The following MEGF10 variants were observed in gnomAD, a reference collection of about 807,000 sequenced individuals.
The protein encoded by MEGF10 is multiple epidermal growth factor-like domains protein 10.
MEGF10 carries 86 observed loss-of-function variants against 147.5 expected under a neutral mutation model. The ratio of observed to expected loss-of-function variants is 0.58; its 90% CI spans 0.49 to 0.70. The LOEUF (loss-of-function observed/expected upper bound fraction) is 0.70, where lower values mean the gene tolerates loss of function less well. MEGF10 is among the 30% of genes least tolerant of loss of function. The pLI, the probability that MEGF10 is intolerant of heterozygous loss-of-function variation, is 0.00. For synonymous variants in MEGF10, 478 were observed against 525.5 expected (o/e 0.91, Z 1.24); for missense variants, 1,329 against 1,487.3 (o/e 0.89, Z 1.75).
At chr5:127,340,778 G>A (rs1761650400) in intron 4 of MEGF10, 148 bp downstream of exon 4, 2 of 619,006 alleles carry the variant, frequency 3.2e-6, no homozygotes, top group East Asian at 5.5e-5. Context: ...CTTGGCTTGT[G>A]TAATGAAGGA....
At chr5:127,345,113 C>T (rs72786489) in intron 4 of MEGF10, among the ~76,000 whole-genome samples, 74 of 152,326 alleles carry the variant, frequency 4.9e-4, no homozygotes, top group Non-Finnish European at 8.7e-4. Context: ...ACGAGGCTCT[C>T]ATTTCATGTT....
At chr5:127,410,245 T>C (rs890604681) in intron 8 of MEGF10, 144 bp from the exon 9 acceptor site, 1 of 711,316 alleles carries the variant, frequency 1.4e-6, no homozygotes, top group Non-Finnish European at 2.4e-6. Context: ...ACGCTTTTCA[T>C]CCGTGTAATG....
the MEGF10 span, among the ~76,000 whole-genome samples, chr5:127,237,358 G>C: frequency 3.9e-5 from 6 of 152,140 alleles, no homozygotes; most frequent in Admixed American, 6.5e-5. Flanking sequence ...TGGGCGTGGT[G>C]GTGGGTGCCT....
intron 5 of MEGF10, 88 bp downstream of exon 5, chr5:127,370,090 C>G: frequency 1.1e-6 from 1 of 925,538 alleles, no homozygotes; most frequent in South Asian, 1.5e-5. Flanking sequence ...CATGCTTTCC[C>G]TCTTCATCCC....
chr5:127,303,443 T>C (rs2546808), intron 1 of MEGF10, among the ~76,000 whole-genome samples: 95,116 of 151,572 alleles, frequency 0.63, 30,109 homozygotes, highest in Middle Eastern at 0.76. Flanking sequence ...CACCAGGCAG[T>C]AGATAGCAAA....
At chr5:127,424,592 A>T in intron 13 of MEGF10, 4 of 1,357,440 alleles carry the variant, frequency 2.9e-6, no homozygotes, top group Non-Finnish European at 3.8e-6. Flanking sequence ...GAGTAAACTG[A>T]GATGAACTGT....
the MEGF10 span, among the ~76,000 whole-genome samples, chr5:127,265,041 A>G: frequency 1.3e-5 from 2 of 152,118 alleles, no homozygotes; most frequent in Non-Finnish European, 1.5e-5. Context: ...TACATTAGGT[A>G]TATTTCCTAA....
At chr5:127,364,157 A>C (rs1449125703) in intron 4 of MEGF10, among the ~76,000 whole-genome samples, 2 of 152,210 alleles carry the variant, frequency 1.3e-5, no homozygotes. Flanking sequence ...TCAACCATTT[A>C]AAGTGTACAA....
intron 5 of MEGF10, among the ~76,000 whole-genome samples, chr5:127,385,435 G>T (rs1210201504): frequency 1.3e-5 from 2 of 152,128 alleles, no homozygotes; most frequent in Admixed American, 1.3e-4. Flanking sequence ...ACCATGCCTG[G>T]CTAATTTTTG....
intron 13 of MEGF10, among the ~76,000 whole-genome samples, chr5:127,427,611 C>T (rs1359393439): frequency 6.6e-6 from 1 of 152,080 alleles, no homozygotes; most frequent in Non-Finnish European, 1.5e-5. Flanking sequence ...AGAGTGGCCG[C>T]AGCCTCCCTC....
intron 1 of MEGF10, among the ~76,000 whole-genome samples, chr5:127,306,731 A>G (rs981157883): frequency 6.6e-6 from 1 of 152,220 alleles, no homozygotes. Flanking sequence ...TGGGGAACCC[A>G]TGGTTAGAGG....
At chr5:127,325,902 TATA>T (rs1410837709) in intron 1 of MEGF10, among the ~76,000 whole-genome samples, 1,429 of 52,620 alleles carry the variant, frequency 0.027, 34 homozygotes, top group African/African-American at 0.052. Flanking sequence ...TATATATATA[TATA>T]TATATTTTTT....
chr5:127,318,869 T>G (rs1275862060), intron 1 of MEGF10, among the ~76,000 whole-genome samples: 1 of 152,218 alleles, frequency 6.6e-6, no homozygotes, highest in Non-Finnish European at 1.5e-5. Flanking sequence ...TTACGGTACA[T>G]AAGCAATGCA....
intron 13 of MEGF10, among the ~76,000 whole-genome samples, chr5:127,430,683 A>G (rs957326824): frequency 2.0e-5 from 3 of 152,200 alleles, no homozygotes; most frequent in African/African-American, 7.2e-5. Context: ...GAGGGCACAG[A>G]GGGCCAGAAG....
chr5:127,390,339 G>T (rs1763597633), intron 5 of MEGF10, among the ~76,000 whole-genome samples: 1 of 151,904 alleles, frequency 6.6e-6, no homozygotes, highest in Non-Finnish European at 1.5e-5. Context: ...ATCCAGGTTG[G>T]AGTTCAGTAG....
rs1209092369 is a variant in MEGF10 at position 127,449,172 on chromosome 5, C to T, written c.2930C>T (p.Thr977Ile). The change falls in exon 22 of 25, where the codon ACT (threonine) becomes ATT (isoleucine). Residue 977 changes from threonine (T) to isoleucine (I), a missense_variant. Around this residue, in one of 3 missense-constraint regions of MEGF10, gnomAD observed 343 missense variants for 377.9 expected, o/e 0.91. Transcript: ENST00000503335. ...AAGAGAGGCCCTGTGGGGGACTGCA[C>T]TGGGACATTGCCGGCTGACTGGAAA... ...PGKRGPVGDC[T>I]GTLPADWKHG... 6.2e-7 allele frequency: 1 copy of T among 1,614,090 alleles called. No homozygotes were observed. Among genetic ancestry groups the T allele is most frequent in the Non-Finnish European group, 8.5e-7 (1 of 1,179,986 alleles).
intron 4 of MEGF10, among the ~76,000 whole-genome samples, chr5:127,355,619 A>G (rs946037399): frequency 6.6e-6 from 1 of 152,166 alleles, no homozygotes; most frequent in Non-Finnish European, 1.5e-5. Context: ...TTTCCCACAC[A>G]TCTATCGGAA....
At chr5:127,309,964 T>C (rs1760196855) in intron 1 of MEGF10, among the ~76,000 whole-genome samples, 1 of 63,656 alleles carries the variant, frequency 1.6e-5, no homozygotes. Context: ...TTTCTTTCTT[T>C]CTTTCTTTCT....
intron 4 of MEGF10, among the ~76,000 whole-genome samples, chr5:127,352,490 C>T (rs536745837): frequency 1.3e-5 from 2 of 152,084 alleles, no homozygotes; most frequent in South Asian, 2.1e-4. Context: ...GGCGAAACCT[C>T]GTCTTTACTA....
Sources: allele counts gnomAD v4.1 joint callset (sites outside exome capture counted in the v4.1 genomes callset), GRCh38; gene constraint gnomAD v4.1.1; regional missense constraint gnomAD v4.1.1; transcripts MANE v1.5; gene names NCBI Gene and HGNC (gene_info 2026-07-23, HGNC 2026-07-21).